FAT3: variants seen among roughly 807,000 people sequenced by gnomAD.
The protein encoded by FAT3 is FAT atypical cadherin 3, also known as protocadherin Fat 3.
In FAT3, 95 loss-of-function variants were observed where a neutral mutation model predicts 310.2. The observed-to-expected ratio is 0.31, with a 90% confidence interval of 0.26 to 0.36. The LOEUF (loss-of-function observed/expected upper bound fraction) is 0.36, where lower values mean the gene tolerates loss of function less well. Among genes scored for constraint, FAT3 ranks in the 10% least tolerant of loss-of-function variants. The pLI is 1.00. For synonymous variants in FAT3, 2,314 were observed against 2,192.9 expected, an observed-to-expected ratio of 1.06 and a Z score of -1.54; for missense variants, 5,408 against 5,715.6, an observed-to-expected ratio of 0.95 and a Z score of 1.74.
chr11:92,470,006 A>G (rs193119215), intron 2 of FAT3, among the ~76,000 whole-genome samples: 3 of 152,298 alleles, frequency 2.0e-5, no homozygotes, highest in East Asian at 1.9e-4. Context: ...AAGGAACACT[A>G]TATTCCCATG....
At chr11:92,506,820 T>A (rs1953114431) in intron 2 of FAT3, among the ~76,000 whole-genome samples, 1 of 152,208 alleles carries the variant, frequency 6.6e-6, no homozygotes, top group Admixed American at 6.5e-5. Context: ...CCTGTATTGG[T>A]ATTTACACAG....
chr11:92,698,807 T>C (rs1308407556), intron 4 of FAT3, among the ~76,000 whole-genome samples: 1 of 152,218 alleles, frequency 6.6e-6, no homozygotes, highest in African/African-American at 2.4e-5. Context: ...CATGGGCTTC[T>C]TTCCTTTCCA....
chr11:92,255,546 G>A (rs1865285778), intron 1 of FAT3, among the ~76,000 whole-genome samples: 1 of 152,070 alleles, frequency 6.6e-6, no homozygotes, highest in South Asian at 2.1e-4. Flanking sequence ...CACCAGTGGA[G>A]AGGAGCCATT....
intron 1 of FAT3, chr11:92,336,123 A>G: frequency 1.9e-6 from 1 of 530,028 alleles, no homozygotes. Flanking sequence ...GTATTTCACA[A>G]GCATCTCAGC....
At chr11:92,516,920 A>G (rs539958860) in intron 2 of FAT3, among the ~76,000 whole-genome samples, 2 of 151,858 alleles carry the variant, frequency 1.3e-5, no homozygotes, top group Admixed American at 1.3e-4. Context: ...TACACAACTG[A>G]CAAGGGATGT....
intron 3 of FAT3, among the ~76,000 whole-genome samples, chr11:92,607,368 C>T (rs1940351142): frequency 6.6e-6 from 1 of 152,132 alleles, no homozygotes; most frequent in African/African-American, 2.4e-5. Flanking sequence ...TGGACTTCAT[C>T]TGTAATCCAT....
At chr11:92,611,548 C>A (rs1299184898) in intron 3 of FAT3, among the ~76,000 whole-genome samples, 1 of 152,138 alleles carries the variant, frequency 6.6e-6, no homozygotes, top group African/African-American at 2.4e-5. Context: ...GGTGGAACTA[C>A]GGGCCCAGCT....
intron 3 of FAT3, among the ~76,000 whole-genome samples, chr11:92,536,560 A>G (rs1954266640): frequency 6.6e-6 from 1 of 152,118 alleles, no homozygotes; most frequent in South Asian, 2.1e-4. Flanking sequence ...TTTAAAGGGT[A>G]TTTTGCATGT....
rs2136349579 is a variant in FAT3 at position 92,866,950 on chromosome 11, C to T, written c.11868C>T (p.Ile3956=). ...AGACGCTGAGCACTGAGAGTAGCAT[C>T]TACTTCGGCGCCCTGGTGCAAGCGG... ...YFQTLSTESS[I]YFGALVQADN... Residue 3956 remains isoleucine, a synonymous_variant, in exon 22 of 28, where the codon ATC becomes ATT. Transcript: ENST00000525166. 8.7e-6 allele frequency: 14 copies of T among 1,613,556 alleles called. No homozygotes were observed. The highest frequency in any genetic ancestry group is 1.2e-5 in the Non-Finnish European group (14 of 1,179,718).
intron 1 of FAT3, among the ~76,000 whole-genome samples, chr11:92,265,230 G>A (rs1375154050): frequency 1.3e-5 from 2 of 151,694 alleles, no homozygotes; most frequent in South Asian, 2.1e-4. Flanking sequence ...AAAACACATT[G>A]CCTTCTGCTT....
intron 2 of FAT3, among the ~76,000 whole-genome samples, chr11:92,473,448 G>A (rs1951964656): frequency 6.6e-6 from 1 of 151,888 alleles, no homozygotes; most frequent in Admixed American, 6.6e-5. Flanking sequence ...CCCTTTTTTA[G>A]TTGATTACAA....
chr11:92,386,637 C>G (rs1388133007), intron 2 of FAT3, among the ~76,000 whole-genome samples: 1 of 152,134 alleles, frequency 6.6e-6, no homozygotes, highest in Non-Finnish European at 1.5e-5. Flanking sequence ...AGTCACTGCC[C>G]TTGGGTAGTT....
intron 2 of FAT3, among the ~76,000 whole-genome samples, chr11:92,434,678 A>G (rs78312907): frequency 6.6e-6 from 1 of 152,328 alleles, no homozygotes; most frequent in East Asian, 1.9e-4. Context: ...TGACCTCACT[A>G]GGCCCATTTC....
chr11:92,257,016 G>T (rs1165067286), intron 1 of FAT3, among the ~76,000 whole-genome samples: 1 of 151,946 alleles, frequency 6.6e-6, no homozygotes, highest in African/African-American at 2.4e-5. Flanking sequence ...CTGAATTTTT[G>T]AGGGTTTTAG....
At chr11:92,335,121 T>C (rs1462104681) in intron 1 of FAT3, among the ~76,000 whole-genome samples, 1 of 152,182 alleles carries the variant, frequency 6.6e-6, no homozygotes, top group Non-Finnish European at 1.5e-5. Context: ...TGAGTATCTT[T>C]GGGAGTTACC....
rs1419711211 is a variant in FAT3, at chr11:92,354,518, C to T, written c.2406C>T (p.Thr802=). 1 of 1,613,830 alleles carries T rather than the reference C, an allele frequency of 6.2e-7. No individual in the cohort carries two copies. The highest frequency in any genetic ancestry group is 2.2e-5 in the East Asian group (1 of 44,880). The stretch of plus-strand genomic sequence containing the variant: ...CAGACCTCTATCTCCTTAATATCAC[C>T]ATCTATGACTTAGGTAATCCACAGA... ...EHTDLYLLNI[T]IYDLGNPQKS... Residue 802 remains threonine (T), a synonymous_variant, in exon 2 of 28, where the codon ACC becomes ACT. Coordinates refer to ENST00000525166, the MANE Select transcript of FAT3 (RefSeq NM_001367949.2).
At chr11:92,311,086 A>G (rs1183830750) in intron 1 of FAT3, among the ~76,000 whole-genome samples, 1 of 151,956 alleles carries the variant, frequency 6.6e-6, no homozygotes, top group Non-Finnish European at 1.5e-5. Flanking sequence ...ACACACACAT[A>G]TATGTATATA....
chr11:92,445,604 A>G (rs1951190065), intron 2 of FAT3, among the ~76,000 whole-genome samples: 1 of 152,162 alleles, frequency 6.6e-6, no homozygotes, highest in Non-Finnish European at 1.5e-5. Flanking sequence ...AAGACAACCT[A>G]TGAGTGATTC....
chr11:92,759,750 G>T (rs967617683), intron 4 of FAT3, among the ~76,000 whole-genome samples: 1 of 152,110 alleles, frequency 6.6e-6, no homozygotes, highest in South Asian at 2.1e-4. Context: ...ATCCAGGTCC[G>T]TTTCAAAGAA....
Sources: allele counts gnomAD v4.1 joint callset (sites outside exome capture counted in the v4.1 genomes callset), GRCh38; gene constraint gnomAD v4.1.1; transcripts MANE v1.5; gene names NCBI Gene and HGNC (gene_info 2026-07-23, HGNC 2026-07-21).